The following SRGAP2B variants were observed in gnomAD, a reference collection of about 807,000 sequenced individuals.
SRGAP2B encodes SLIT-ROBO Rho GTPase activating protein 2B, also known as SLIT-ROBO Rho GTPase-activating protein 2B.
SRGAP2B carries 9 observed loss-of-function variants against 22.2 expected under a neutral mutation model. The observed-to-expected ratio is 0.41, with a 90% confidence interval of 0.24 to 0.71. SRGAP2B has a LOEUF of 0.71. SRGAP2B is among the 30% of genes least tolerant of loss of function. The pLI, the probability that SRGAP2B is intolerant of heterozygous loss-of-function variation, is 0.35. For synonymous variants in SRGAP2B, 36 were observed against 87.4 expected, an observed-to-expected ratio of 0.41 and a Z score of 3.28; for missense variants, 114 against 235.8, an observed-to-expected ratio of 0.48 and a Z score of 3.38.
chr1:144,940,353 C>A (rs1437338153), intron 4 of SRGAP2B, among the ~76,000 whole-genome samples: 5 of 135,038 alleles, frequency 3.7e-5, no homozygotes, highest in African/African-American at 1.2e-4. Context: ...GGGGGAAAAA[C>A]CCTCTCTCCT....
At chr1:145,009,373 G>A (rs1422037749) in intron 2 of SRGAP2B, among the ~76,000 whole-genome samples, 5 of 149,542 alleles carry the variant, frequency 3.3e-5, no homozygotes, top group Admixed American at 1.3e-4. Context: ...CGGATCACGA[G>A]GTCAGGAGAT....
At chr1:145,090,251 T>C (rs1553636098) in intron 2 of SRGAP2B, among the ~76,000 whole-genome samples, 2 of 148,882 alleles carry the variant, frequency 1.3e-5, no homozygotes, top group South Asian at 2.1e-4. Flanking sequence ...TGCTGTTCCA[T>C]AGAGAGCCCA....
intron 2 of SRGAP2B, among the ~76,000 whole-genome samples, chr1:145,063,455 T>TTCCC (rs1466336041): frequency 2.7e-5 from 3 of 111,382 alleles, no homozygotes; most frequent in African/African-American, 1.1e-4. Flanking sequence ...AAAACCCTTC[T>TTCCC]TCCCTCCCTC....
At chr1:144,925,735 G>GAAAGAAAGAAAGAA (rs1664647457) in intron 4 of SRGAP2B, among the ~76,000 whole-genome samples, 4 of 81,508 alleles carry the variant, frequency 4.9e-5, no homozygotes, top group African/African-American at 1.8e-4. Flanking sequence ...AGAAAAGAAA[G>GAAAGAAAGAAAGAA]AAAGAAAGAA....
At chr1:144,915,421 G>C (rs1428961861) in intron 4 of SRGAP2B, among the ~76,000 whole-genome samples, 1 of 150,652 alleles carries the variant, frequency 6.6e-6, no homozygotes, top group Non-Finnish European at 1.5e-5. Context: ...TAACTACATA[G>C]AGCAGTAGAA....
chr1:144,990,768 G>A (rs1269156952), intron 3 of SRGAP2B, among the ~76,000 whole-genome samples: 4 of 151,210 alleles, frequency 2.6e-5, no homozygotes, highest in Non-Finnish European at 2.9e-5. Flanking sequence ...TGCTGGCCCC[G>A]GGCAATGGGG....
At chr1:145,009,708 A>C (rs1235805243) in intron 2 of SRGAP2B, among the ~76,000 whole-genome samples, 8 of 144,004 alleles carry the variant, frequency 5.6e-5, no homozygotes, top group African/African-American at 1.9e-4. Flanking sequence ...TATAATAAAA[A>C]GTTTTTAAAT....
intron 5 of SRGAP2B, 65 bp from the exon 6 acceptor site, chr1:144,906,139 A>G: frequency 1.4e-6 from 1 of 705,348 alleles, no homozygotes; most frequent in East Asian, 2.7e-5. Flanking sequence ...TCTGCTTTAC[A>G]GACTAACAGA....
In SRGAP2B at chr1:144,933,371, A is replaced by G. The variant is rs189696550; in HGVS notation, c.424-18617T>C. 3.3e-4 allele frequency among the ~76,000 whole-genome samples: 50 copies of G among 150,250 alleles called. 2 individuals carry two copies. The highest frequency in any genetic ancestry group is 1.2e-3 in the African/African-American group (48 of 39,964). On this transcript the variant is annotated intron_variant, in intron 4 of 9. Coordinates refer to ENST00000612199, the Ensembl canonical transcript of SRGAP2B. The stretch of plus-strand genomic sequence containing the variant: ...AAAGGGCTATGTTTCATGACCCACA[A>G]GGGCATTTTCAGAAACCCAGTAAGA...
chr1:144,976,178 C>T (rs1269412783), intron 3 of SRGAP2B, among the ~76,000 whole-genome samples: 1 of 147,012 alleles, frequency 6.8e-6, no homozygotes, highest in Non-Finnish European at 1.5e-5. Context: ...TCGCGCCCAG[C>T]CTGGGTTAGT....
intron 2 of SRGAP2B, among the ~76,000 whole-genome samples, chr1:145,020,960 G>A (rs1191387261): frequency 2.0e-5 from 3 of 148,762 alleles, no homozygotes; most frequent in Non-Finnish European, 3.0e-5. Flanking sequence ...CCACCATGCC[G>A]GCTAATTTTT....
intron 4 of SRGAP2B, among the ~76,000 whole-genome samples, chr1:144,951,048 A>C (rs1666814364): frequency 6.6e-6 from 1 of 150,514 alleles, no homozygotes; most frequent in Non-Finnish European, 1.5e-5. Context: ...GGGTTTCACC[A>C]TGTTGGCCAA....
rs9331165 is a variant in SRGAP2B at position 145,086,601 on chromosome 1, G to C, written c.67+6234C>G. On this transcript the variant is annotated intron_variant, in intron 2 of 9. Transcript: ENST00000612199. ...GGAGGCTGAGGTGGGAGGATCACTT[G>C]AGCCCAGGAGGTCAAGGCTGCAGTG... Among the ~76,000 whole-genome samples the C allele has an allele frequency of 3.3e-3, 57 of 17,294 alleles. 1 individual carries two copies. Among genetic ancestry groups the C allele is most frequent in the Non-Finnish European group, 4.5e-3 (40 of 8,960 alleles). 11.3% of individuals were successfully genotyped at this position (17,294 alleles called of 152,430 possible). A position where few individuals can be genotyped will look rare whatever the true frequency, so the allele number is the denominator to read the frequency against.
chr1:144,970,870 G>A (rs1432218964), intron 3 of SRGAP2B, among the ~76,000 whole-genome samples: 6 of 149,870 alleles, frequency 4.0e-5, no homozygotes, highest in Admixed American at 4.0e-4. Context: ...TGACTTTTGT[G>A]AAGATCCAAT....
chr1:145,005,246 T>TA (rs2102213180), intron 2 of SRGAP2B, among the ~76,000 whole-genome samples: 1 of 144,856 alleles, frequency 6.9e-6, no homozygotes, highest in African/African-American at 2.6e-5. Context: ...TCAAGGAGAG[T>TA]AAAAATCCAA....
intron 2 of SRGAP2B, among the ~76,000 whole-genome samples, chr1:144,996,061 C>T (rs1244727207): frequency 7.3e-5 from 11 of 150,936 alleles, no homozygotes; most frequent in Admixed American, 7.2e-4. Flanking sequence ...TGGTCAGGGT[C>T]CTTGTATGGA....
intron 3 of SRGAP2B, among the ~76,000 whole-genome samples, chr1:144,984,743 C>G (rs1161541914): frequency 6.6e-6 from 1 of 150,394 alleles, no homozygotes; most frequent in Non-Finnish European, 1.5e-5. Context: ...TGTTTCTTGT[C>G]ATTTAGCAAA....
chr1:144,925,783 GAAAGA>G (rs1234134897), intron 4 of SRGAP2B, among the ~76,000 whole-genome samples: 1 of 125,354 alleles, frequency 8.0e-6, no homozygotes, highest in Non-Finnish European at 1.8e-5. Flanking sequence ...AAGAAAGAAA[GAAAGA>G]AAGAAAGGAG....
At chr1:145,030,413 T>G (rs1648141318) in intron 2 of SRGAP2B, among the ~76,000 whole-genome samples, 1 of 145,304 alleles carries the variant, frequency 6.9e-6, no homozygotes, top group Non-Finnish European at 1.5e-5. Context: ...TGTAGGGACA[T>G]GGATGAAACC....
Sources: allele counts gnomAD v4.1 joint callset (sites outside exome capture counted in the v4.1 genomes callset), GRCh38; gene constraint gnomAD v4.1.1; transcripts MANE v1.5; gene names NCBI Gene and HGNC (gene_info 2026-07-23, HGNC 2026-07-21).